Variants in CSMD1 observed in about 807,000 individuals in gnomAD.
CSMD1 encodes the protein CUB and sushi domain-containing protein 1.
Under a neutral mutation model 417.5 loss-of-function variants are expected in CSMD1, and 213 were observed. The observed-to-expected ratio is 0.51, with a 90% CI of 0.46 to 0.57. The LOEUF (loss-of-function observed/expected upper bound fraction) is 0.57. Ranked by LOEUF, CSMD1 falls within the 20% of genes least tolerant of loss-of-function variation. The probability of loss-of-function intolerance (pLI) is 0.00; values close to 1 mark genes in which losing one functional copy is unlikely to be tolerated. For missense variants in CSMD1, 6,923 were observed against 4,529.7 expected, an observed-to-expected ratio of 1.53 and a Z score of -15.17; for synonymous variants, 2,862 against 1,736.8, an observed-to-expected ratio of 1.65 and a Z score of -16.11.
At chr8:4,961,522 C>T (rs1177455690) in intron 1 of CSMD1, among the ~76,000 whole-genome samples, 2 of 152,134 alleles carry the variant, frequency 1.3e-5, no homozygotes, top group Non-Finnish European at 2.9e-5. Flanking sequence ...ATTAGTTTGG[C>T]TAGTTTGAAA....
chr8:4,660,255 G>A (rs939563930), intron 1 of CSMD1, among the ~76,000 whole-genome samples: 4 of 152,026 alleles, frequency 2.6e-5, no homozygotes, highest in East Asian at 1.9e-4. Flanking sequence ...ACCAGTAAGT[G>A]ATTTTATTAA....
intron 1 of CSMD1, among the ~76,000 whole-genome samples, chr8:4,986,060 C>T (rs1307403277): frequency 1.3e-5 from 2 of 152,182 alleles, no homozygotes; most frequent in Non-Finnish European, 2.9e-5. Context: ...CATCAAAGTA[C>T]ACTACTTTCC....
chr8:4,637,543 C>T lies in CSMD1; in HGVS notation c.101G>A (p.Gly34Asp). 1.9e-6 allele frequency: 3 copies of T among 1,613,022 alleles called. No individual in the cohort carries two copies. In the South Asian group the frequency reaches 3.3e-5, roughly 18 times the overall value. The change falls in exon 2 of 70, where the codon GGC (glycine) becomes GAC (aspartate). Residue 34 changes from glycine to aspartate, a missense_variant. Coordinates refer to ENST00000635120, the MANE Select transcript of CSMD1 (RefSeq NM_033225.6). ...AGTGCCATTGGGACCCTGGACTAAG[C>T]CTCCACAGTTCTGACCTGGAAGAGA... ...LTAAKGQNCG[G>D]LVQGPNGTIE...
At chr8:4,268,423 G>T (rs902970905) in intron 3 of CSMD1, among the ~76,000 whole-genome samples, 6 of 152,134 alleles carry the variant, frequency 3.9e-5, no homozygotes, top group Admixed American at 3.3e-4. Context: ...GTGACCAATT[G>T]TTGTTTATAG....
At chr8:3,931,110 T>TA (rs1563223692) in intron 5 of CSMD1, among the ~76,000 whole-genome samples, 2 of 150,672 alleles carry the variant, frequency 1.3e-5, no homozygotes, top group African/African-American at 4.9e-5. Flanking sequence ...CATTAAAGCC[T>TA]AGGCCGATAT....
intron 20 of CSMD1, among the ~76,000 whole-genome samples, chr8:3,360,380 T>C (rs1809080331): frequency 6.6e-6 from 1 of 152,228 alleles, no homozygotes. Context: ...TATGTACGTA[T>C]AATTGAGCTC....
intron 5 of CSMD1, among the ~76,000 whole-genome samples, chr8:3,984,592 T>C (rs948164176): frequency 7.3e-5 from 11 of 151,106 alleles, no homozygotes; most frequent in Admixed American, 2.6e-4. Flanking sequence ...TTTGGATTCT[T>C]CAAGTAAGAA....
At chr8:3,342,701 A>T (rs1469491183) in intron 23 of CSMD1, among the ~76,000 whole-genome samples, 3 of 152,160 alleles carry the variant, frequency 2.0e-5, no homozygotes, top group African/African-American at 7.2e-5. Context: ...AGCACCGATA[A>T]CTGGGAGCTA....
intron 9 of CSMD1, among the ~76,000 whole-genome samples, chr8:3,584,925 G>A (rs1800533592): frequency 6.6e-6 from 1 of 152,140 alleles, no homozygotes; most frequent in African/African-American, 2.4e-5. Flanking sequence ...TCTTATGTTA[G>A]AATTGAAAAA....
intron 1 of CSMD1, among the ~76,000 whole-genome samples, chr8:4,801,964 A>T (rs1005857253): frequency 6.6e-6 from 1 of 152,126 alleles, no homozygotes; most frequent in Non-Finnish European, 1.5e-5. Flanking sequence ...TCTTCCTTTC[A>T]TATTTACTGC....
rs766403620 is a variant in CSMD1 at position 3,387,465 on chromosome 8, G to A, written c.2782+29C>T. Reference sequence around the variant, plus strand: ...GTGCGCTGTCTCTGCACACCCTGCTGGTGCATTGCCTCACTGAGCTGTACC... The same window carrying A: ...GTGCGCTGTCTCTGCACACCCTGCTAGTGCATTGCCTCACTGAGCTGTACC... On this transcript the variant is annotated intron_variant, in intron 18 of 69. Coordinates refer to ENST00000635120, the MANE Select transcript of CSMD1 (RefSeq NM_033225.6). 1.2e-5 allele frequency: 19 copies of A among 1,560,472 alleles called. 1 individual carries two copies. The Admixed American group carries it at 2.4e-4, about 20-fold the overall frequency.
At chr8:4,030,150 G>T (rs578045075) in intron 4 of CSMD1, among the ~76,000 whole-genome samples, 6 of 152,238 alleles carry the variant, frequency 3.9e-5, no homozygotes, top group African/African-American at 1.4e-4. Flanking sequence ...GGTGTCAGTG[G>T]ATCTACCATT....
chr8:4,437,373 T>C (rs1359239289), intron 2 of CSMD1, among the ~76,000 whole-genome samples: 1 of 152,226 alleles, frequency 6.6e-6, no homozygotes, highest in Non-Finnish European at 1.5e-5. Context: ...CATCCTTGTA[T>C]GTGAACAACT....
chr8:4,519,329 T>A (rs1407573607), intron 2 of CSMD1, among the ~76,000 whole-genome samples: 2 of 152,082 alleles, frequency 1.3e-5, no homozygotes, highest in East Asian at 3.9e-4. Flanking sequence ...AATGAACTTA[T>A]GGTTCAATGA....
intron 36 of CSMD1, among the ~76,000 whole-genome samples, chr8:3,187,411 T>G (rs1031714020): frequency 7.9e-5 from 12 of 151,972 alleles, no homozygotes; most frequent in African/African-American, 2.9e-4. Flanking sequence ...TAAGAGAGGG[T>G]GGACTTGCAG....
At chr8:4,039,334 G>A (rs950842919) in intron 3 of CSMD1, among the ~76,000 whole-genome samples, 1 of 152,108 alleles carries the variant, frequency 6.6e-6, no homozygotes, top group South Asian at 2.1e-4. Context: ...GTTTGTTTTG[G>A]ACTATTTGCT....
At chr8:4,036,831 G>A (rs1298382603) in intron 3 of CSMD1, among the ~76,000 whole-genome samples, 4 of 152,186 alleles carry the variant, frequency 2.6e-5, no homozygotes, top group South Asian at 2.1e-4. Context: ...CCTGACCAGG[G>A]CCACCACCTG....
intron 7 of CSMD1, among the ~76,000 whole-genome samples, chr8:3,665,422 C>T (rs776040121): frequency 9.2e-5 from 14 of 152,026 alleles, no homozygotes; most frequent in South Asian, 8.3e-4. Context: ...CCAGCTACTC[C>T]GGAGGCTGAG....
intron 4 of CSMD1, among the ~76,000 whole-genome samples, chr8:4,016,475 G>C (rs1284974740): frequency 2.6e-5 from 4 of 152,106 alleles, no homozygotes; most frequent in Admixed American, 6.5e-5. Context: ...CTCTGCCCAA[G>C]AATGCAAGCT....
Sources: allele counts gnomAD v4.1 joint callset (sites outside exome capture counted in the v4.1 genomes callset), GRCh38; gene constraint gnomAD v4.1.1; transcripts MANE v1.5; gene names NCBI Gene and HGNC (gene_info 2026-07-23, HGNC 2026-07-21).